Variants in PTCHD4 observed in about 807,000 individuals in gnomAD.
PTCHD4 encodes the protein patched domain containing 4, also known as patched domain-containing protein 4.
In PTCHD4, 33 loss-of-function variants were observed where a neutral mutation model predicts 58.1. The ratio of observed to expected loss-of-function variants is 0.57; its 90% CI spans 0.43 to 0.76. The LOEUF (loss-of-function observed/expected upper bound fraction) is 0.76, where lower values mean the gene tolerates loss of function less well. PTCHD4 is among the 30% of genes least tolerant of loss of function. The pLI, the probability that PTCHD4 is intolerant of heterozygous loss-of-function variation, is 0.00. For missense variants in PTCHD4, 1,058 were observed against 1,027.1 expected (o/e 1.03, Z -0.41); for synonymous variants, 478 against 409.6 (o/e 1.17, Z -2.02).
At chr6:47,989,250 T>G (rs1768194339) in intron 4 of PTCHD4, among the ~76,000 whole-genome samples, 1 of 152,192 alleles carries the variant, frequency 6.6e-6, no homozygotes, top group South Asian at 2.1e-4. Flanking sequence ...TGAGTGTTGT[T>G]AAAGGCATTC....
Position 47,863,821 on chromosome 6 carries a change from T to G in PTCHD4, c.*14482A>C, listed in dbSNP as rs1763489273. On this transcript the variant is annotated 3_prime_UTR_variant, in exon 5 of 5. Coordinates refer to ENST00000339488, the MANE Select transcript of PTCHD4 (RefSeq NM_001384253.1). ...GAAAAGACTGTCCAGAGCAACTTATTACAAATAGAGATTACTAAGGCCATC... is the reference window on the plus strand; with the variant it reads ...GAAAAGACTGTCCAGAGCAACTTATGACAAATAGAGATTACTAAGGCCATC... 6.6e-6 allele frequency among the ~76,000 whole-genome samples: 1 copy of G among 151,980 alleles called. No individual in the cohort carries two copies. Among genetic ancestry groups the G allele is most frequent in the Admixed American group, 6.6e-5 (1 of 15,244 alleles).
At chr6:47,921,956 AAAAAG>A (rs577009756) in intron 4 of PTCHD4, among the ~76,000 whole-genome samples, 10,666 of 146,790 alleles carry the variant, frequency 0.073, 429 homozygotes, top group Middle Eastern at 0.098. Flanking sequence ...AAAAAAAAAA[AAAAAG>A]AAAAGAAAAG....
At chr6:47,917,961 C>T (rs765956133) in intron 4 of PTCHD4, among the ~76,000 whole-genome samples, 1 of 152,046 alleles carries the variant, frequency 6.6e-6, no homozygotes, top group Non-Finnish European at 1.5e-5. Flanking sequence ...AGCAGTAGAG[C>T]TTAGAGGTGG....
intron 1 of PTCHD4, among the ~76,000 whole-genome samples, chr6:48,072,262 G>T (rs1469879177): frequency 6.6e-6 from 1 of 152,082 alleles, no homozygotes; most frequent in Non-Finnish European, 1.5e-5. Flanking sequence ...CATTCATCCA[G>T]CCAGTCTTTT....
chr6:48,105,114 T>G (rs1203269848), intron 1 of PTCHD4, among the ~76,000 whole-genome samples: 1 of 152,160 alleles, frequency 6.6e-6, no homozygotes, highest in African/African-American at 2.4e-5. Context: ...AATAGACATC[T>G]ACAGAACTCT....
intron 4 of PTCHD4, among the ~76,000 whole-genome samples, chr6:47,914,710 C>CTG (rs1284284933): frequency 8.3e-5 from 7 of 84,614 alleles, no homozygotes; most frequent in African/African-American, 2.3e-4. Context: ...GTCTGTCTGT[C>CTG]TCTCTGTCTG....
intron 4 of PTCHD4, among the ~76,000 whole-genome samples, chr6:47,983,710 G>A (rs1052734641): frequency 3.3e-5 from 5 of 152,180 alleles, no homozygotes; most frequent in African/African-American, 9.6e-5. Context: ...CAAAATATGC[G>A]AACAGTTGAA....
chr6:47,978,966 C>T (rs929161057), intron 4 of PTCHD4, among the ~76,000 whole-genome samples: 1 of 151,952 alleles, frequency 6.6e-6, no homozygotes, highest in Non-Finnish European at 1.5e-5. Flanking sequence ...TATGAATATT[C>T]TATTTATTCT....
At chr6:47,890,615 T>TGTCA (rs1764347262) in intron 4 of PTCHD4, among the ~76,000 whole-genome samples, 1 of 152,210 alleles carries the variant, frequency 6.6e-6, no homozygotes. Context: ...GCAGGACGAC[T>TGTCA]GTCATGGAGA....
chr6:48,102,950 G>T (rs924842415), intron 1 of PTCHD4, among the ~76,000 whole-genome samples: 1 of 152,196 alleles, frequency 6.6e-6, no homozygotes, highest in Non-Finnish European at 1.5e-5. Flanking sequence ...AAACAAAGTG[G>T]CCAGGAAGCT....
intron 4 of PTCHD4, among the ~76,000 whole-genome samples, chr6:47,924,951 T>TA (rs146889463): frequency 0.13 from 19,567 of 149,958 alleles, 1,404 homozygotes; most frequent in African/African-American, 0.19. Flanking sequence ...ATTTTATATA[T>TA]AAAAAAGCAT....
At chr6:47,980,666 A>C (rs1378269292) in intron 4 of PTCHD4, among the ~76,000 whole-genome samples, 1 of 152,026 alleles carries the variant, frequency 6.6e-6, no homozygotes, top group Non-Finnish European at 1.5e-5. Flanking sequence ...AATTTTATTT[A>C]TAATGATAAA....
Position 48,052,879 on chromosome 6 carries a change from G to A in PTCHD4, c.417+15351C>T, listed in dbSNP as rs138904331. On this transcript the variant is annotated intron_variant, in intron 3 of 4. Transcript: ENST00000339488. ...ATGTATCAAGGGATTTATAATTGCC[G>A]TTTAAAAATAATAAAAGAGGGAGTA... 2.5e-3 allele frequency among the ~76,000 whole-genome samples: 375 copies of A among 152,082 alleles called. 1 individual carries two copies. The highest frequency in any genetic ancestry group is 5.3e-3 in the Admixed American group (81 of 15,260).
intron 4 of PTCHD4, chr6:47,890,807 A>C (rs1431199623): frequency 1.4e-6 from 1 of 712,872 alleles, no homozygotes; most frequent in Non-Finnish European, 1.7e-6. Flanking sequence ...GAGCCAGCAC[A>C]CACAGGATGG....
At chr6:47,883,231 C>T (rs9381625) in intron 4 of PTCHD4, among the ~76,000 whole-genome samples, 1 of 151,874 alleles carries the variant, frequency 6.6e-6, no homozygotes, top group South Asian at 2.1e-4. Flanking sequence ...TCCAGAAAGT[C>T]ATTTTCACTT....
rs1296101964 is a variant in PTCHD4 at position 47,877,347 on chromosome 6, G to A, written c.*956C>T. On this transcript the variant is annotated 3_prime_UTR_variant, in exon 5 of 5. Coordinates refer to ENST00000339488, the MANE Select transcript of PTCHD4 (RefSeq NM_001384253.1). ...CATGTATGGATAATCTGTGTAAAGC[G>A]CTCATTTGCAATTGGGTGAGCTCAC... is the stretch of plus-strand genomic sequence containing the variant. Among the ~76,000 whole-genome samples, 3 of 151,946 alleles carry A rather than the reference G, an allele frequency of 2.0e-5. No individual in the cohort carries two copies. The highest frequency in any genetic ancestry group is 2.9e-5 in the Non-Finnish European group (2 of 67,968).
At chr6:48,027,472 T>G (rs1047301462) in intron 3 of PTCHD4, among the ~76,000 whole-genome samples, 1 of 152,128 alleles carries the variant, frequency 6.6e-6, no homozygotes. Flanking sequence ...TAGCTTGAGA[T>G]GATGGGTAGC....
Position 47,932,209 on chromosome 6 carries a change from G to A in PTCHD4, c.899-52273C>T, listed in dbSNP as rs567200742. Among the ~76,000 whole-genome samples the A allele has an allele frequency of 3.3e-5, 5 of 152,276 alleles. No homozygotes were observed. In the East Asian group the frequency reaches 7.7e-4, roughly 24 times the overall value. Reference sequence around the variant, plus strand: ...TTCCGCCTTCACTATCCAGGAGACTGCACATAAGTAATCTATCCTCACTTG... The same window carrying A: ...TTCCGCCTTCACTATCCAGGAGACTACACATAAGTAATCTATCCTCACTTG... On this transcript the variant is annotated intron_variant, in intron 4 of 4. Coordinates refer to ENST00000339488, the MANE Select transcript of PTCHD4 (RefSeq NM_001384253.1).
intron 3 of PTCHD4, among the ~76,000 whole-genome samples, chr6:48,062,353 C>T (rs1214359453): frequency 6.6e-6 from 1 of 152,026 alleles, no homozygotes; most frequent in African/African-American, 2.4e-5. Flanking sequence ...TCTCCACCCC[C>T]ACCCCAAGTC....
Sources: allele counts gnomAD v4.1 joint callset (sites outside exome capture counted in the v4.1 genomes callset), GRCh38; gene constraint gnomAD v4.1.1; transcripts MANE v1.5; gene names NCBI Gene and HGNC (gene_info 2026-07-23, HGNC 2026-07-21).